The following AK8 variants were observed in gnomAD, a reference collection of about 807,000 sequenced individuals.
The protein encoded by AK8 is ATP-AMP transphosphorylase 8.
Under a neutral mutation model 54.6 loss-of-function variants are expected in AK8, and 44 were observed. That is an observed-to-expected ratio of 0.81 (90% confidence interval 0.63 to 1.04). The LOEUF is 1.04. Among genes scored for constraint, AK8 ranks in the 50% least tolerant of loss-of-function variants. The pLI, the probability that AK8 is intolerant of heterozygous loss-of-function variation, is 0.00. For synonymous variants in AK8, 239 were observed against 245.6 expected, an observed-to-expected ratio of 0.97 and a Z score of 0.25; for missense variants, 555 against 613.6, an observed-to-expected ratio of 0.90 and a Z score of 1.01.
intron 10 of AK8, among the ~76,000 whole-genome samples, chr9:132,794,608 G>T (rs1024544584): frequency 3.9e-5 from 6 of 152,078 alleles, no homozygotes; most frequent in African/African-American, 1.4e-4. Context: ...TTCATGGATG[G>T]GTCCCATAAT....
intron 11 of AK8, among the ~76,000 whole-genome samples, chr9:132,751,650 A>G (rs891255681): frequency 2.4e-4 from 36 of 151,680 alleles, no homozygotes; most frequent in African/African-American, 8.5e-4. Context: ...AGGGCCATCA[A>G]CTTGTGATAA....
Position 132,725,638 on chromosome 9 carries a change from G to A in AK8, c.*50C>T. The stretch of plus-strand genomic sequence containing the variant: ...GCTGTGCCGAGGCTGGGGGGCTGGG[G>A]GCAGGGGATTAACTCTTTCCCTGGG... On this transcript the variant is annotated 3_prime_UTR_variant, in exon 13 of 13. Coordinates refer to ENST00000298545, the MANE Select transcript of AK8 (RefSeq NM_152572.3). 6.7e-7 allele frequency: 1 copy of A among 1,485,542 alleles called. No individual in the cohort carries two copies. Among genetic ancestry groups the A allele is most frequent in the Non-Finnish European group, 9.2e-7 (1 of 1,088,502 alleles). The allele number at this position is 1,485,542 out of a possible 1,614,324, so 92.0% of individuals were successfully genotyped here. A position where few individuals can be genotyped will look rare whatever the true frequency, so the allele number is the denominator to read the frequency against.
intron 11 of AK8, among the ~76,000 whole-genome samples, chr9:132,747,033 A>G (rs1590188315): frequency 1.3e-5 from 2 of 152,240 alleles, no homozygotes; most frequent in African/African-American, 4.8e-5. Flanking sequence ...AGTATTCTCA[A>G]TGCATATATG....
intron 10 of AK8, among the ~76,000 whole-genome samples, chr9:132,812,101 A>ATCACAT (rs1841041413): frequency 6.6e-6 from 1 of 152,146 alleles, no homozygotes; most frequent in South Asian, 2.1e-4. Context: ...TTAATTTGGT[A>ATCACAT]TCACATTCAC....
chr9:132,871,558 G>A (rs1843832775), intron 2 of AK8, among the ~76,000 whole-genome samples: 1 of 152,220 alleles, frequency 6.6e-6, no homozygotes, highest in Admixed American at 6.5e-5. Flanking sequence ...CTCCCTGAGA[G>A]CATCCGGGCA....
intron 11 of AK8, among the ~76,000 whole-genome samples, chr9:132,748,973 CA>C (rs1336537893): frequency 6.6e-6 from 1 of 151,822 alleles, no homozygotes; most frequent in Non-Finnish European, 1.5e-5. Flanking sequence ...CTCCCGGGTT[CA>C]AGCGATTCTC....
In AK8 at chr9:132,742,611, C is replaced by T. The variant is rs533929137; in HGVS notation, c.1122-15077G>A. On this transcript the variant is annotated intron_variant, in intron 11 of 12. Coordinates refer to ENST00000298545, the MANE Select transcript of AK8 (RefSeq NM_152572.3). ...CCTCTGAGGGGCTGTGCCAGGTCTG[C>T]GTCATGATCCATGGCTCCTCACCCA... Among the ~76,000 whole-genome samples, 18 of 152,352 alleles carry T rather than the reference C, an allele frequency of 1.2e-4. No individual in the cohort carries two copies. In the South Asian group the frequency reaches 2.9e-3, roughly 25 times the overall value.
chr9:132,744,681 TAC>T (rs540901700), intron 11 of AK8, among the ~76,000 whole-genome samples: 486 of 152,328 alleles, frequency 3.2e-3, no homozygotes, highest in Non-Finnish European at 4.7e-3. Flanking sequence ...CCAATATGTT[TAC>T]AGTGTCCCCA....
Position 132,823,237 on chromosome 9 carries a change from G to A in AK8, c.857C>T (p.Ala286Val). The stretch of plus-strand genomic sequence containing the variant: ...AAGCCTGTATTTCTGGGCCAGGAGG[G>A]CGGCCTGCAGACTTTTCCCACTGCC... ...PVGSGKSLQAALLAQKYRLVN... is the reference protein window; with the variant it reads ...PVGSGKSLQAVLLAQKYRLVN... Residue 286 changes from alanine (A) to valine (V), a missense_variant, in exon 9 of 13, where the codon GCC becomes GTC. By Grantham distance (64) the Ala-to-Val change is moderately conservative. Transcript: ENST00000298545. 1 of 1,600,670 alleles carries A rather than the reference G, an allele frequency of 6.2e-7. No individual in the cohort carries two copies. The highest frequency in any genetic ancestry group is 8.5e-7 in the Non-Finnish European group (1 of 1,174,078).
chr9:132,745,559 G>A (rs776621874), intron 11 of AK8, among the ~76,000 whole-genome samples: 5 of 152,152 alleles, frequency 3.3e-5, no homozygotes, highest in Non-Finnish European at 5.9e-5. Context: ...GGCTCAGCAT[G>A]CGATCGCCTT....
intron 10 of AK8, among the ~76,000 whole-genome samples, chr9:132,798,612 T>C (rs1039679386): frequency 6.6e-6 from 1 of 152,174 alleles, no homozygotes; most frequent in Non-Finnish European, 1.5e-5. Flanking sequence ...TGGAGTGTTC[T>C]GTCAGCCCTA....
chr9:132,745,234 A>G (rs924160862), intron 11 of AK8, among the ~76,000 whole-genome samples: 4 of 152,186 alleles, frequency 2.6e-5, no homozygotes, highest in African/African-American at 4.8e-5. Context: ...TAATTCATGA[A>G]CCAATTAAAG....
At chr9:132,852,792 AAAAG>A (rs1314476223) in intron 5 of AK8, among the ~76,000 whole-genome samples, 67 of 149,778 alleles carry the variant, frequency 4.5e-4, no homozygotes, top group African/African-American at 1.5e-3. Context: ...AAAAAAAAAA[AAAAG>A]AAAGAAAGAA....
upstream of AK8, chr9:132,878,641 A>T: frequency 9.7e-7 from 1 of 1,030,044 alleles, no homozygotes; most frequent in Non-Finnish European, 1.2e-6. This position sits in a 1 kb window ranked among gnomAD's most constrained non-coding sequence, Gnocchi z 4.7. Context: ...CCTGTGCCTC[A>T]GTTTACCCAT....
intron 11 of AK8, among the ~76,000 whole-genome samples, chr9:132,766,532 T>C (rs1269184275): frequency 1.3e-5 from 2 of 152,172 alleles, no homozygotes; most frequent in Admixed American, 1.3e-4. Context: ...TCCATGTTCA[T>C]GGATTGGAAG....
chr9:132,800,611 C>G (rs988439932), intron 10 of AK8, among the ~76,000 whole-genome samples: 1 of 152,202 alleles, frequency 6.6e-6, no homozygotes, highest in African/African-American at 2.4e-5. Flanking sequence ...CCTTTCTACT[C>G]TAATATCTCT....
At chr9:132,865,075 C>A (rs113370406) in intron 3 of AK8, among the ~76,000 whole-genome samples, 4 of 152,276 alleles carry the variant, frequency 2.6e-5, no homozygotes, top group Non-Finnish European at 5.9e-5. Context: ...CAGGAACCTG[C>A]ATTTTTCATA....
intron 10 of AK8, among the ~76,000 whole-genome samples, chr9:132,808,558 A>G (rs567688147): frequency 6.6e-6 from 1 of 152,310 alleles, no homozygotes; most frequent in East Asian, 1.9e-4. Context: ...TGTGAGGACA[A>G]AAAAAGAACA....
chr9:132,844,522 T>G (rs1271043261), intron 5 of AK8, among the ~76,000 whole-genome samples: 1 of 152,176 alleles, frequency 6.6e-6, no homozygotes, highest in Non-Finnish European at 1.5e-5. Flanking sequence ...CAAGAAAGCC[T>G]GTTTATTTTG....
Sources: allele counts gnomAD v4.1 joint callset (sites outside exome capture counted in the v4.1 genomes callset), GRCh38; gene constraint gnomAD v4.1.1; non-coding constraint Gnocchi (gnomAD v3.1); transcripts MANE v1.5; gene names NCBI Gene and HGNC (gene_info 2026-07-23, HGNC 2026-07-21).